Variants in NCKAP5 observed in about 807,000 individuals in gnomAD.
NCKAP5 encodes the protein NCK associated protein 5.
NCKAP5 carries 92 observed loss-of-function variants against 167.0 expected under a neutral mutation model. The ratio of observed to expected loss-of-function variants is 0.55; its 90% confidence interval spans 0.47 to 0.66. The LOEUF is 0.66. NCKAP5 is among the 30% of genes least tolerant of loss of function. The pLI, the probability that NCKAP5 is intolerant of heterozygous loss-of-function variation, is 0.00. For missense variants in NCKAP5, 2,378 were observed against 2,315.0 expected, an observed-to-expected ratio of 1.03 and a Z score of -0.56; for synonymous variants, 891 against 877.4, an observed-to-expected ratio of 1.02 and a Z score of -0.27.
chr2:133,037,892 C>T (rs1400079203), intron 6 of NCKAP5, among the ~76,000 whole-genome samples: 8 of 152,110 alleles, frequency 5.3e-5, no homozygotes, highest in Admixed American at 1.3e-4. Flanking sequence ...ACAAACTACC[C>T]CTCTGACAAG....
intron 8 of NCKAP5, among the ~76,000 whole-genome samples, chr2:132,918,467 C>T (rs1574625207): frequency 6.6e-6 from 1 of 151,806 alleles, no homozygotes; most frequent in African/African-American, 2.4e-5. Flanking sequence ...ATGGTACATT[C>T]AGCATATATT....
At chr2:133,148,644 T>C (rs971915781) in intron 5 of NCKAP5, among the ~76,000 whole-genome samples, 1 of 152,094 alleles carries the variant, frequency 6.6e-6, no homozygotes, top group African/African-American at 2.4e-5. Context: ...CAAGATCAAC[T>C]TGCCAGTCCA....
Position 132,841,959 on chromosome 2 carries a change from G to A in NCKAP5, c.807+18533C>T, listed in dbSNP as rs1334670629. Among the ~76,000 whole-genome samples, 8 of 152,088 alleles carry A rather than the reference G, an allele frequency of 5.3e-5. No homozygotes were observed. In the South Asian group the frequency reaches 6.2e-4, roughly 12 times the overall value. ...AACTCATAAATGATATTTGTCTATA[G>A]TTTTCCTAGGTCTAGTATTTTTATA... On this transcript the variant is annotated intron_variant, in intron 11 of 19. Coordinates refer to ENST00000409261, the MANE Select transcript of NCKAP5 (RefSeq NM_207363.3).
At chr2:132,843,001 C>T (rs917317451) in intron 11 of NCKAP5, among the ~76,000 whole-genome samples, 14 of 152,076 alleles carry the variant, frequency 9.2e-5, no homozygotes, top group Non-Finnish European at 2.1e-4. Flanking sequence ...TTTATAATTT[C>T]CAAGCAGTAA....
intron 4 of NCKAP5, among the ~76,000 whole-genome samples, chr2:133,292,903 A>C (rs1679703852): frequency 6.6e-6 from 1 of 152,190 alleles, no homozygotes; most frequent in Non-Finnish European, 1.5e-5. Context: ...TAAAGATCCT[A>C]GTCCTGAATT....
chr2:132,724,901 A>T lies in NCKAP5; in HGVS notation c.5713+726T>A, dbSNP rs553703296. Reference sequence around the variant, plus strand: ...TCCCTAAACATATCAAACTTGTTTTAAAAAAATAAAATTATGGTTTCATTA... The same window carrying T: ...TCCCTAAACATATCAAACTTGTTTTTAAAAAATAAAATTATGGTTTCATTA... On this transcript the variant is annotated intron_variant, in intron 19 of 19. Coordinates refer to ENST00000409261, the MANE Select transcript of NCKAP5 (RefSeq NM_207363.3). Among the ~76,000 whole-genome samples the T allele has an allele frequency of 1.9e-3, 294 of 152,270 alleles. 2 individuals carry two copies. Among genetic ancestry groups the T allele is most frequent in the African/African-American group, 6.0e-3 (250 of 41,544 alleles).
At chr2:133,155,482 C>G (rs761678624) in intron 5 of NCKAP5, among the ~76,000 whole-genome samples, 5 of 152,170 alleles carry the variant, frequency 3.3e-5, no homozygotes, top group Non-Finnish European at 5.9e-5. Flanking sequence ...TGGAAGGTTA[C>G]TGAGCTACTT....
intron 6 of NCKAP5, among the ~76,000 whole-genome samples, chr2:133,109,086 A>C (rs761717475): frequency 1.3e-5 from 2 of 152,218 alleles, no homozygotes; most frequent in African/African-American, 2.4e-5. Context: ...AAGCAATTCC[A>C]CCAAGCCCTT....
At chr2:133,286,498 T>C (rs1370185099) in intron 4 of NCKAP5, among the ~76,000 whole-genome samples, 1 of 152,190 alleles carries the variant, frequency 6.6e-6, no homozygotes, top group African/African-American at 2.4e-5. Context: ...AAGAGAGTAA[T>C]TGGATATGCA....
chr2:133,629,979 C>G, the NCKAP5 span, among the ~76,000 whole-genome samples: 1 of 151,208 alleles, frequency 6.6e-6, no homozygotes, highest in South Asian at 2.1e-4. Context: ...TGGGGCCTGT[C>G]GAGGGGGTGG....
intron 2 of NCKAP5, among the ~76,000 whole-genome samples, chr2:133,554,740 T>C (rs1169129457): frequency 2.6e-5 from 4 of 152,230 alleles, no homozygotes; most frequent in South Asian, 4.1e-4. Context: ...ACCAAGTTCA[T>C]TGGGGTGCTT....
intron 6 of NCKAP5, among the ~76,000 whole-genome samples, chr2:133,044,290 A>G (rs1421503762): frequency 1.3e-5 from 2 of 152,208 alleles, no homozygotes; most frequent in South Asian, 2.1e-4. Context: ...AGACGCAAAT[A>G]AAAACATCAA....
the NCKAP5 span, among the ~76,000 whole-genome samples, chr2:133,635,270 G>T: frequency 1.3e-5 from 2 of 152,158 alleles, no homozygotes; most frequent in African/African-American, 4.8e-5. Flanking sequence ...ATGTAATCAT[G>T]CAGTCTATTA....
intron 6 of NCKAP5, among the ~76,000 whole-genome samples, chr2:133,045,536 G>A (rs946811585): frequency 5.3e-5 from 8 of 151,856 alleles, no homozygotes; most frequent in Admixed American, 4.6e-4. Flanking sequence ...CGAAGACAAG[G>A]GTTCTTTCCA....
chr2:133,596,804 CT>C, the NCKAP5 span, among the ~76,000 whole-genome samples: 1 of 152,112 alleles, frequency 6.6e-6, no homozygotes, highest in African/African-American at 2.4e-5. Flanking sequence ...TAATCACAGA[CT>C]TTAGGGACTG....
intron 3 of NCKAP5, among the ~76,000 whole-genome samples, chr2:133,463,250 C>G (rs991464620): frequency 1.3e-5 from 2 of 152,194 alleles, no homozygotes; most frequent in African/African-American, 4.8e-5. Flanking sequence ...CAGGTTTTAA[C>G]TTTGCTAATC....
intron 3 of NCKAP5, among the ~76,000 whole-genome samples, chr2:133,350,015 C>T (rs1428387971): frequency 1.3e-5 from 2 of 152,210 alleles, no homozygotes; most frequent in Non-Finnish European, 2.9e-5. Context: ...TAATATTCTA[C>T]ATAACCACAT....
chr2:133,089,699 C>G (rs1559128366), intron 6 of NCKAP5, among the ~76,000 whole-genome samples: 1 of 152,196 alleles, frequency 6.6e-6, no homozygotes, highest in African/African-American at 2.4e-5. Context: ...TTCATTTGTA[C>G]ATACACAAGT....
At chr2:133,066,173 G>A (rs1320260588) in intron 6 of NCKAP5, among the ~76,000 whole-genome samples, 1 of 152,138 alleles carries the variant, frequency 6.6e-6, no homozygotes, top group Non-Finnish European at 1.5e-5. Flanking sequence ...AAATCTGGAG[G>A]TTTAGTACAT....
Sources: gnomAD v4.1 joint callset for allele counts (sites outside exome capture counted in the v4.1 genomes callset) on GRCh38, gnomAD v4.1.1 for gene constraint, MANE v1.5 for transcripts, NCBI Gene and HGNC (gene_info 2026-07-23, HGNC 2026-07-21) for gene names.